The following PFKM variants were observed in gnomAD, a reference collection of about 807,000 sequenced individuals.
The protein encoded by PFKM is ATP-dependent 6-phosphofructokinase, muscle type.
In PFKM, 58 loss-of-function variants were observed where a neutral mutation model predicts 95.5. That is an observed-to-expected ratio of 0.61 (90% CI 0.49 to 0.76). The LOEUF is 0.76. Among genes scored for constraint, PFKM ranks in the 30% least tolerant of loss-of-function variants. PFKM has a pLI of 0.00. For synonymous variants in PFKM, 336 were observed against 357.2 expected (o/e 0.94, Z 0.67); for missense variants, 678 against 1,005.4 (o/e 0.67, Z 4.40).
chr12:48,138,392 C>T (rs1254038430), intron 11 of PFKM, among the ~76,000 whole-genome samples: 1 of 152,122 alleles, frequency 6.6e-6, no homozygotes, highest in Non-Finnish European at 1.5e-5. Flanking sequence ...AGGAATCACT[C>T]CTTTGATACC....
chr12:48,131,517 G>A (rs1949481508), intron 4 of PFKM, 124 bp downstream of exon 4: 1 of 763,222 alleles, frequency 1.3e-6, no homozygotes, highest in Non-Finnish European at 2.3e-6. Context: ...TCAGTGACAA[G>A]AGAGGGACCC....
intron 4 of PFKM, 117 bp from the exon 5 acceptor site, chr12:48,132,751 T>C (rs1002025318): frequency 2.3e-6 from 2 of 868,114 alleles, no homozygotes; most frequent in African/African-American, 3.3e-5. Context: ...CTTAAGGATG[T>C]CAAGGAACTT....
At position 48,142,843 on chromosome 12, in the gene PFKM, C is replaced by T; in HGVS notation, c.1715C>T (p.Thr572Ile). 1 of 1,614,104 alleles carries T rather than the reference C, an allele frequency of 6.2e-7. No homozygotes were observed. The highest frequency in any genetic ancestry group is 8.5e-7 in the Non-Finnish European group (1 of 1,179,958). ...AAGCGTCGGGTGTTTATCATTGAGA[C>T]TATGGGTGGCTACTGTGGCTACCTG... is the stretch of plus-strand genomic sequence containing the variant. ...GTKRRVFIIE[T>I]MGGYCGYLAT... Residue 572 changes from threonine to isoleucine, a missense_variant, in exon 18 of 23, where the codon ACT (threonine) becomes ATT (isoleucine). Coordinates refer to ENST00000359794, the MANE Select transcript of PFKM (RefSeq NM_000289.6).
At chr12:48,144,800 C>T (rs1182695152) in intron 20 of PFKM, among the ~76,000 whole-genome samples, 1 of 152,162 alleles carries the variant, frequency 6.6e-6, no homozygotes, top group Non-Finnish European at 1.5e-5. Flanking sequence ...ATTGTGGGGC[C>T]AATCATCTTT....
rs1298063544 is a variant in PFKM, at chr12:48,142,922, GC to G, written c.1797del (p.Phe600SerfsTer17). On this transcript the variant is annotated frameshift_variant, in exon 18 of 23. Transcript: ENST00000359794. LOFTEE classifies it high-confidence loss of function. The part of the protein sequence containing the change: ...GADAAYIFEE[P>X]FTIRDLQANV... ...CCGATGCTGCCTACATTTTTGAGGA[GC>G]CCTTCACCATTCGAGACCTGCAGGT... 2 of 1,614,016 alleles carry G rather than the reference GC, an allele frequency of 1.2e-6. No homozygotes were observed. The highest frequency in any genetic ancestry group is 1.7e-6 in the Non-Finnish European group (2 of 1,180,018).
intron 3 of PFKM, among the ~76,000 whole-genome samples, chr12:48,114,207 G>A (rs907981328): frequency 4.6e-4 from 70 of 152,220 alleles, no homozygotes; most frequent in Admixed American, 2.6e-4. Flanking sequence ...GGAGAGGGTA[G>A]AAGTTAGGAT....
At chr12:48,139,398 A>G (rs758724558) in intron 12 of PFKM, 49 bp downstream of exon 12, 2 of 1,450,504 alleles carry the variant, frequency 1.4e-6, no homozygotes, top group South Asian at 1.1e-5. Flanking sequence ...AGAGGCGTGA[A>G]CGAAGCCAAA....
At chr12:48,123,106 C>T (rs1299446148) in intron 2 of PFKM, among the ~76,000 whole-genome samples, 1 of 151,994 alleles carries the variant, frequency 6.6e-6, no homozygotes, top group East Asian at 1.9e-4. Flanking sequence ...TCTTTGGGAA[C>T]CTAAAAGAGT....
chr12:48,145,694 G>A lies in PFKM; in HGVS notation c.2329G>A (p.Glu777Lys), dbSNP rs1449747768. 1.2e-6 allele frequency: 2 copies of A among 1,614,030 alleles called. No homozygotes were observed. The highest frequency in any genetic ancestry group is 2.2e-5 in the East Asian group (1 of 44,894). Reference protein sequence around the residue: ...LEHITRKRSGEAAV With the variant: ...LEHITRKRSGKAAV ...GCACATCACCCGGAAGCGGTCCGGG[G>A]AAGCTGCCGTCTAAACCTCTCTGGA... Residue 777 changes from glutamate (E) to lysine (K), a missense_variant, in exon 23 of 23, where the codon GAA (glutamate) becomes AAA (lysine). Physicochemically the swap from Glu to Lys is moderately conservative, Grantham distance 56 (BLOSUM62 1). Coordinates refer to ENST00000359794, the MANE Select transcript of PFKM (RefSeq NM_000289.6). This position sits in a 1 kb window ranked among gnomAD's most constrained non-coding sequence, Gnocchi z 4.3.
intron 3 of PFKM, among the ~76,000 whole-genome samples, chr12:48,130,968 C>T (rs1011954883): frequency 6.6e-6 from 1 of 152,176 alleles, no homozygotes; most frequent in African/African-American, 2.4e-5. Flanking sequence ...CACCAACTTC[C>T]CCTTCTCCTT....
chr12:48,110,333 C>T (rs564034281), intron 3 of PFKM, among the ~76,000 whole-genome samples: 1 of 152,146 alleles, frequency 6.6e-6, no homozygotes, highest in Admixed American at 6.5e-5. Context: ...GTCTTATGGA[C>T]ACTTTTGAGC....
intron 2 of PFKM, chr12:48,125,204 T>C: frequency 2.8e-6 from 1 of 353,234 alleles, no homozygotes; most frequent in South Asian, 2.1e-5. Context: ...CCTTTAGCCT[T>C]ATGACATCGG....
chr12:48,123,338 C>T (rs1451904911), intron 2 of PFKM, among the ~76,000 whole-genome samples: 1 of 152,102 alleles, frequency 6.6e-6, no homozygotes, highest in African/African-American at 2.4e-5. Context: ...TCTGGCCTTT[C>T]CTCCTCTTCC....
chr12:48,141,938 A>G lies in PFKM; in HGVS notation c.1525A>G (p.Met509Val), dbSNP rs748619372. The change falls in exon 17 of 23, where the codon ATG becomes GTG. Residue 509 changes from methionine (M) to valine (V), a missense_variant. Transcript: ENST00000359794. ...GGCTTACACAGGGGGCCTGGAACTG[A>G]TGGAGGGCAGGAAGCAGTTTGATGA... ...FEAYTGGLEL[M>V]EGRKQFDELC... The G allele has an allele frequency of 6.2e-7, 1 of 1,614,004 alleles. No homozygotes were observed. Among genetic ancestry groups the G allele is most frequent in the Non-Finnish European group, 8.5e-7 (1 of 1,180,000 alleles).
chr12:48,107,725 A>G (rs1392118888), intron 2 of PFKM, among the ~76,000 whole-genome samples: 1 of 152,164 alleles, frequency 6.6e-6, no homozygotes, highest in Non-Finnish European at 1.5e-5. Flanking sequence ...TGAGCTTGTC[A>G]TTATTGTGTT....
intron 1 of PFKM, among the ~76,000 whole-genome samples, chr12:48,120,211 G>A (rs750465984): frequency 6.6e-6 from 1 of 152,056 alleles, no homozygotes; most frequent in Non-Finnish European, 1.5e-5. Flanking sequence ...CTAGTCACGC[G>A]TGTCTCTATG....
At chr12:48,141,181 A>G in intron 14 of PFKM, 130 bp from the exon 15 acceptor site, 1 of 870,896 alleles carries the variant, frequency 1.1e-6, no homozygotes, top group Non-Finnish European at 1.9e-6. Context: ...GGGAAAAGCT[A>G]ATACCTGGTG....
chr12:48,145,849 C>CTG lies in PFKM; in HGVS notation c.*141_*142insTG. 1 of 897,128 alleles carries CTG rather than the reference C, an allele frequency of 1.1e-6. No individual in the cohort carries two copies. Among genetic ancestry groups the CTG allele is most frequent in the Non-Finnish European group, 1.7e-6 (1 of 572,476 alleles). The allele number at this position is 897,128 out of a possible 1,614,324, so 55.6% of individuals were successfully genotyped here. On this transcript the variant is annotated 3_prime_UTR_variant, in exon 23 of 23. Coordinates refer to ENST00000359794, the MANE Select transcript of PFKM (RefSeq NM_000289.6). This position sits in a 1 kb window ranked among gnomAD's most constrained non-coding sequence, Gnocchi z 4.3. ...ACCTTGCAGCCATGACCAGTTCTGG[C>CTG]CAGGAGCTGGAGGAGCAGGCAGTGG... is the stretch of plus-strand genomic sequence containing the variant.
In PFKM at chr12:48,134,993, A is replaced by C. The variant is rs1322674172; in HGVS notation, c.798A>C (p.Ala266=). ...ACATCATCATTGTGGCTGAGGGTGCAATTGACAAGAATGGAAAACCAATCA... is the reference window on the plus strand; with the variant it reads ...ACATCATCATTGTGGCTGAGGGTGCCATTGACAAGAATGGAAAACCAATCA... The part of the protein sequence containing the change: ...RLNIIIVAEG[A]IDKNGKPITS... The change falls in exon 9 of 23, where the codon GCA becomes GCC. Residue 266 remains alanine (A), a synonymous_variant. Transcript: ENST00000359794. The C allele has an allele frequency of 6.2e-7, 1 of 1,614,034 alleles. No homozygotes were observed. Among genetic ancestry groups the C allele is most frequent in the Admixed American group, 1.7e-5 (1 of 60,016 alleles).
Sources: allele counts gnomAD v4.1 joint callset (sites outside exome capture counted in the v4.1 genomes callset), GRCh38; gene constraint gnomAD v4.1.1; non-coding constraint Gnocchi (gnomAD v3.1); transcripts MANE v1.5; gene names NCBI Gene and HGNC (gene_info 2026-07-23, HGNC 2026-07-21).